ZNF385B: variants seen among roughly 807,000 people sequenced by gnomAD.
The protein encoded by ZNF385B is zinc finger protein 385B, also known as zinc finger protein 533.
In ZNF385B, 23 loss-of-function variants were observed where a neutral mutation model predicts 39.2. That is an observed-to-expected ratio of 0.59 (90% CI 0.42 to 0.83). ZNF385B has a LOEUF of 0.83. ZNF385B is among the 40% of genes least tolerant of loss of function. The pLI, the probability that ZNF385B is intolerant of heterozygous loss-of-function variation, is 0.00. For synonymous variants in ZNF385B, 205 were observed against 222.6 expected (o/e 0.92, Z 0.70); for missense variants, 552 against 598.9 (o/e 0.92, Z 0.82).
At position 179,617,963 on chromosome 2, in the gene ZNF385B, G is replaced by A. The variant is rs112212302; in HGVS notation, c.299-72994C>T. Among the ~76,000 whole-genome samples the A allele has an allele frequency of 1.7e-3, 261 of 152,158 alleles. 1 individual carries two copies. The highest frequency in any genetic ancestry group is 6.0e-3 in the African/African-American group (251 of 41,518). ...TATGCTAGGAGCCTTCTAATCACAC[G>A]TTTCTCCCGTGCTCACTCTCTCTTC... On this transcript the variant is annotated intron_variant, in intron 3 of 9. Coordinates refer to ENST00000410066, the MANE Select transcript of ZNF385B (RefSeq NM_152520.6).
chr2:179,472,509 G>A (rs1198351992), intron 6 of ZNF385B, among the ~76,000 whole-genome samples: 1 of 152,108 alleles, frequency 6.6e-6, no homozygotes, highest in Non-Finnish European at 1.5e-5. Context: ...TCAAAGCAAC[G>A]AATAAGATAA....
chr2:179,501,584 G>C (rs1168625866), intron 5 of ZNF385B, among the ~76,000 whole-genome samples: 1 of 152,112 alleles, frequency 6.6e-6, no homozygotes, highest in African/African-American at 2.4e-5. Flanking sequence ...AGGCTGGAAG[G>C]GTAGCGGGGA....
intron 1 of ZNF385B, among the ~76,000 whole-genome samples, chr2:179,809,406 T>A (rs1706596113): frequency 6.6e-6 from 1 of 152,168 alleles, no homozygotes; most frequent in Admixed American, 6.5e-5. Flanking sequence ...CATATTCACG[T>A]GCAAACATAG....
intron 3 of ZNF385B, among the ~76,000 whole-genome samples, chr2:179,729,744 C>A (rs1442241007): frequency 6.6e-6 from 1 of 152,094 alleles, no homozygotes; most frequent in Non-Finnish European, 1.5e-5. Flanking sequence ...GAGGCAGAGA[C>A]CAGGTGGGAG....
chr2:179,528,300 C>T (rs2059044598), intron 4 of ZNF385B, among the ~76,000 whole-genome samples: 1 of 152,158 alleles, frequency 6.6e-6, no homozygotes, highest in South Asian at 2.1e-4. Context: ...GAAAGGTAAA[C>T]TAAAGTAATC....
At chr2:179,493,526 T>TGC (rs2055537100) in intron 5 of ZNF385B, among the ~76,000 whole-genome samples, 3 of 151,234 alleles carry the variant, frequency 2.0e-5, no homozygotes, top group Non-Finnish European at 4.4e-5. Context: ...CATATGTGTG[T>TGC]ACATATATGC....
intron 1 of ZNF385B, among the ~76,000 whole-genome samples, chr2:179,850,484 G>C (rs1432729281): frequency 6.6e-6 from 1 of 152,174 alleles, no homozygotes; most frequent in Non-Finnish European, 1.5e-5. Flanking sequence ...GAATCTGGTT[G>C]TGCCTGCTGG....
chr2:179,774,653 G>A (rs765641313), intron 1 of ZNF385B, among the ~76,000 whole-genome samples: 11 of 152,000 alleles, frequency 7.2e-5, no homozygotes, highest in Admixed American at 2.0e-4. Flanking sequence ...CACCGCACCC[G>A]GCCAAGGTCA....
intron 1 of ZNF385B, among the ~76,000 whole-genome samples, chr2:179,781,498 C>A (rs183837569): frequency 2.8e-4 from 43 of 151,900 alleles, no homozygotes; most frequent in Admixed American, 1.2e-3. Flanking sequence ...TATGTCAATT[C>A]CAGAAGGATT....
chr2:179,629,148 C>T (rs1042810146), intron 3 of ZNF385B, among the ~76,000 whole-genome samples: 1 of 152,126 alleles, frequency 6.6e-6, no homozygotes, highest in East Asian at 1.9e-4. Context: ...TAGAAATAGA[C>T]ATTTTTAGGA....
chr2:179,808,025 C>A (rs1706488415), intron 1 of ZNF385B, among the ~76,000 whole-genome samples: 1 of 149,906 alleles, frequency 6.7e-6, no homozygotes, highest in Non-Finnish European at 1.5e-5. Context: ...GTATATAATT[C>A]TTTTTGTTTG....
intron 3 of ZNF385B, among the ~76,000 whole-genome samples, chr2:179,755,580 G>A (rs1029716049): frequency 6.6e-6 from 1 of 152,112 alleles, no homozygotes; most frequent in East Asian, 1.9e-4. Context: ...TCTCTTTGTA[G>A]GTCTCTAAGG....
intron 1 of ZNF385B, among the ~76,000 whole-genome samples, chr2:179,843,604 G>A (rs1004209980): frequency 2.0e-5 from 3 of 152,186 alleles, no homozygotes; most frequent in African/African-American, 4.8e-5. Flanking sequence ...TTAAATCAGT[G>A]ATGGAAAATG....
intron 6 of ZNF385B, among the ~76,000 whole-genome samples, chr2:179,480,705 T>C (rs2053898020): frequency 6.6e-6 from 1 of 152,096 alleles, no homozygotes; most frequent in Admixed American, 6.6e-5. Flanking sequence ...TCCTTTTTTT[T>C]TTTTAAGTGC....
intron 1 of ZNF385B, among the ~76,000 whole-genome samples, chr2:179,809,265 T>C (rs897407963): frequency 2.0e-5 from 3 of 152,186 alleles, no homozygotes; most frequent in African/African-American, 4.8e-5. Context: ...AGTTATGGCA[T>C]GTAAAGAACT....
At chr2:179,541,262 A>C (rs1172970642) in intron 4 of ZNF385B, among the ~76,000 whole-genome samples, 1 of 152,172 alleles carries the variant, frequency 6.6e-6, no homozygotes, top group Admixed American at 6.5e-5. Flanking sequence ...GTTGTGGTGC[A>C]TAAGGCAAGG....
intron 4 of ZNF385B, among the ~76,000 whole-genome samples, chr2:179,540,899 C>T (rs904381349): frequency 3.3e-5 from 5 of 152,120 alleles, no homozygotes; most frequent in Non-Finnish European, 1.5e-5. Context: ...CTAAGTTGAA[C>T]TTTGAATGAC....
intron 3 of ZNF385B, among the ~76,000 whole-genome samples, chr2:179,765,917 GTC>G (rs771421812): frequency 6.6e-6 from 1 of 151,966 alleles, no homozygotes; most frequent in African/African-American, 2.4e-5. Context: ...TCCCCTTTGA[GTC>G]TCTCTTTCAC....
intron 1 of ZNF385B, 41 bp downstream of exon 1, chr2:179,861,059 CA>C (rs1480431834): frequency 1.2e-5 from 2 of 163,238 alleles, no homozygotes; most frequent in Admixed American, 1.3e-4. Flanking sequence ...AGAGGGCGCC[CA>C]GTCCGGGGGC....
Sources: gnomAD v4.1 joint callset for allele counts (sites outside exome capture counted in the v4.1 genomes callset) on GRCh38, gnomAD v4.1.1 for gene constraint, MANE v1.5 for transcripts, NCBI Gene and HGNC (gene_info 2026-07-23, HGNC 2026-07-21) for gene names.